The following SLC38A12 variants were observed in gnomAD, a reference collection of about 807,000 sequenced individuals.
SLC38A12 encodes solute carrier family 38 member 12.
the SLC38A12 span, chr17:74,836,789 G>C: frequency 6.8e-7 from 1 of 1,474,586 alleles, no homozygotes; most frequent in Non-Finnish European, 8.9e-7. This position sits in a 1 kb window ranked among gnomAD's most constrained non-coding sequence, Gnocchi z 4.2. Flanking sequence ...TCATGGGGCA[G>C]GTGGGACTGT....
the SLC38A12 span, chr17:74,837,824 C>G: frequency 1.0e-6 from 1 of 986,024 alleles, no homozygotes; most frequent in Non-Finnish European, 1.2e-6. Flanking sequence ...TTTCAACGTG[C>G]CTTCTACTGC....
the SLC38A12 span, among the ~76,000 whole-genome samples, chr17:74,835,329 G>C: frequency 2.0e-5 from 3 of 152,168 alleles, no homozygotes; most frequent in South Asian, 6.2e-4. Flanking sequence ...GCCTGCCCTT[G>C]GCCCCTAGGC....
the SLC38A12 span, chr17:74,777,775 C>A: frequency 2.3e-6 from 1 of 437,536 alleles, no homozygotes; most frequent in Non-Finnish European, 4.2e-6. Context: ...CAAAATTAGC[C>A]GGGCATGGTG....
At chr17:74,823,952 C>T in the SLC38A12 span, among the ~76,000 whole-genome samples, 1 of 152,272 alleles carries the variant, frequency 6.6e-6, no homozygotes, top group South Asian at 2.1e-4. Context: ...TAGCGCAGCA[C>T]CTGCACAGTG....
At chr17:74,788,894 G>T in the SLC38A12 span, 1 of 1,605,670 alleles carries the variant, frequency 6.2e-7, no homozygotes, top group South Asian at 1.1e-5. Flanking sequence ...CCTCGTCTCC[G>T]GGCCATGCCT....
the SLC38A12 span, chr17:74,777,152 G>A: frequency 1.5e-6 from 1 of 689,238 alleles, no homozygotes; most frequent in Non-Finnish European, 2.6e-6. Context: ...CAGATACTGA[G>A]GCCCTAAGTG....
At chr17:74,831,612 G>A in the SLC38A12 span, among the ~76,000 whole-genome samples, 9 of 152,074 alleles carry the variant, frequency 5.9e-5, no homozygotes, top group South Asian at 2.1e-4. Flanking sequence ...CACTCAGAGC[G>A]GGACTCCCAG....
the SLC38A12 span, among the ~76,000 whole-genome samples, chr17:74,792,382 C>T: frequency 6.6e-6 from 1 of 151,154 alleles, no homozygotes; most frequent in South Asian, 2.1e-4. Context: ...ACCTGGGAGG[C>T]GGAGGTTGCA....
the SLC38A12 span, among the ~76,000 whole-genome samples, chr17:74,823,533 C>T: frequency 1.3e-5 from 2 of 152,248 alleles, no homozygotes; most frequent in Non-Finnish European, 2.9e-5. Flanking sequence ...AAACTCAAAG[C>T]ATGGATGACA....
the SLC38A12 span, chr17:74,794,936 A>C: frequency 8.6e-7 from 1 of 1,161,534 alleles, no homozygotes; most frequent in East Asian, 2.5e-5. Context: ...AGATTTAGTC[A>C]AAAAGAAGAA....
At chr17:74,816,528 C>T in the SLC38A12 span, among the ~76,000 whole-genome samples, 3 of 152,330 alleles carry the variant, frequency 2.0e-5, 1 homozygote, top group South Asian at 6.2e-4. Flanking sequence ...AGCAAGGCTG[C>T]TGTGGGGCCC....
At chr17:74,819,771 G>T in the SLC38A12 span, 1 of 1,614,194 alleles carries the variant, frequency 6.2e-7, no homozygotes, top group Non-Finnish European at 8.5e-7. Flanking sequence ...TCTCCTCCTC[G>T]GACCGTTCAC....
chr17:74,787,495 G>A, the SLC38A12 span, among the ~76,000 whole-genome samples: 28 of 151,866 alleles, frequency 1.8e-4, no homozygotes, highest in Non-Finnish European at 2.6e-4. Flanking sequence ...GGTGGCGGGT[G>A]CCTGTAGTCC....
chr17:74,804,197 G>T, the SLC38A12 span, among the ~76,000 whole-genome samples: 1 of 152,244 alleles, frequency 6.6e-6, no homozygotes, highest in Non-Finnish European at 1.5e-5. Context: ...CATAAGCAGA[G>T]CCTGATGTCT....
chr17:74,818,203 C>G, the SLC38A12 span, among the ~76,000 whole-genome samples: 2 of 152,196 alleles, frequency 1.3e-5, no homozygotes, highest in Non-Finnish European at 1.5e-5. Context: ...GGAGGCTGTC[C>G]ACTGCTTTTG....
At chr17:74,788,824 C>G in the SLC38A12 span, 1 of 1,613,580 alleles carries the variant, frequency 6.2e-7, no homozygotes, top group Non-Finnish European at 8.5e-7. Context: ...GAGGCCATGG[C>G]TGCAGCCAAC....
At chr17:74,782,951 T>G in the SLC38A12 span, among the ~76,000 whole-genome samples, 5 of 152,098 alleles carry the variant, frequency 3.3e-5, no homozygotes, top group African/African-American at 1.2e-4. Context: ...ACCAACATGG[T>G]GAAACGCTGT....
At chr17:74,779,185 A>G in the SLC38A12 span, among the ~76,000 whole-genome samples, 3 of 152,218 alleles carry the variant, frequency 2.0e-5, no homozygotes, top group Admixed American at 1.3e-4. Flanking sequence ...TTGTAAGGAA[A>G]ACACTTGGAT....
chr17:74,787,338 A>G, the SLC38A12 span, among the ~76,000 whole-genome samples: 3 of 140,346 alleles, frequency 2.1e-5, no homozygotes, highest in Non-Finnish European at 4.8e-5. Context: ...AAAGCAGGAG[A>G]TGGGCCGGGC....
Sources: gnomAD v4.1 joint callset for allele counts (sites outside exome capture counted in the v4.1 genomes callset) on GRCh38, gnomAD v4.1.1 for gene constraint, Gnocchi (gnomAD v3.1) non-coding constraint, MANE v1.5 for transcripts, NCBI Gene and HGNC (gene_info 2026-07-23, HGNC 2026-07-21) for gene names.